Variants in XXYLT1 observed in about 807,000 individuals in gnomAD.
The protein encoded by XXYLT1 is UDP-xylose:alpha-xyloside alpha-1,3-xylosyltransferase.
A neutral mutation model predicts 28.9 loss-of-function variants in XXYLT1; 20 were observed. The observed-to-expected ratio is 0.69, with a 90% CI of 0.49 to 1.00. The LOEUF (loss-of-function observed/expected upper bound fraction) is 1.00. Among genes scored for constraint, XXYLT1 ranks in the 50% least tolerant of loss-of-function variants. The pLI, the probability that XXYLT1 is intolerant of heterozygous loss-of-function variation, is 0.00. For synonymous variants in XXYLT1, 257 were observed against 253.8 expected (o/e 1.01, Z -0.12); for missense variants, 542 against 560.1 (o/e 0.97, Z 0.33).
At chr3:195,205,571 T>A (rs1417135838) in intron 2 of XXYLT1, among the ~76,000 whole-genome samples, 2 of 152,052 alleles carry the variant, frequency 1.3e-5, no homozygotes, top group Non-Finnish European at 2.9e-5. Flanking sequence ...GGTATCAAAG[T>A]CACTATCCTG....
chr3:195,169,634 A>G (rs773683734), intron 2 of XXYLT1, among the ~76,000 whole-genome samples: 1 of 152,012 alleles, frequency 6.6e-6, no homozygotes, highest in Non-Finnish European at 1.5e-5. Context: ...TATTTACGAT[A>G]GGTTTATTGG....
chr3:195,220,043 T>G (rs563477031), intron 2 of XXYLT1, among the ~76,000 whole-genome samples: 1 of 152,202 alleles, frequency 6.6e-6, no homozygotes, highest in East Asian at 1.9e-4. Context: ...AATAATCACA[T>G]GCTAAATGTT....
chr3:195,197,017 A>G (rs1232168319), intron 2 of XXYLT1, among the ~76,000 whole-genome samples: 1 of 152,196 alleles, frequency 6.6e-6, no homozygotes, highest in African/African-American at 2.4e-5. Context: ...AAAAATCAAT[A>G]TGCACCGAGG....
chr3:195,222,284 G>A lies in XXYLT1; in HGVS notation c.652+4425C>T, dbSNP rs545316663. Among the ~76,000 whole-genome samples the A allele has an allele frequency of 2.6e-5, 4 of 152,186 alleles. No individual in the cohort carries two copies. In the South Asian group the frequency reaches 6.2e-4, roughly 24 times the overall value. ...AGATCGCTGGAGAACTCGGAGAAGC[G>A]GCCTAACCTCTCAGCTCCTCCCTTT... On this transcript the variant is annotated intron_variant, in intron 2 of 3. Transcript: ENST00000310380.
chr3:195,245,482 C>A lies in XXYLT1; in HGVS notation c.505-18626G>T, dbSNP rs116230308. Reference sequence around the variant, plus strand: ...CAATTCATCTTCTTCCAGTGTGGCCCAGGGAAGCCAAAAGACTGGACACAC... The same window carrying A: ...CAATTCATCTTCTTCCAGTGTGGCCAAGGGAAGCCAAAAGACTGGACACAC... On this transcript the variant is annotated intron_variant, in intron 1 of 3. Transcript: ENST00000310380. Among the ~76,000 whole-genome samples the A allele has an allele frequency of 6.9e-3, 1,054 of 152,166 alleles. 13 individuals are homozygous for A. Among genetic ancestry groups the A allele is most frequent in the African/African-American group, 0.025 (1,019 of 41,512 alleles).
intron 2 of XXYLT1, among the ~76,000 whole-genome samples, chr3:195,166,869 G>C (rs553991016): frequency 4.9e-4 from 75 of 152,280 alleles, no homozygotes; most frequent in Non-Finnish European, 5.9e-4. Flanking sequence ...AGTAGAGATA[G>C]GGTTTCACCA....
At chr3:195,088,177 CCCA>C in intron 3 of XXYLT1, among the ~76,000 whole-genome samples, 1 of 151,612 alleles carries the variant, frequency 6.6e-6, no homozygotes, top group African/African-American at 2.4e-5. Context: ...CTGGGTGGAG[CCCA>C]CCACAGCTCA....
At position 195,176,499 on chromosome 3, in the gene XXYLT1, G is replaced by A. The variant is rs562548256; in HGVS notation, c.653-19918C>T. Among the ~76,000 whole-genome samples, 1 of 152,180 alleles carries A rather than the reference G, an allele frequency of 6.6e-6. No individual in the cohort carries two copies. The highest frequency in any genetic ancestry group is 1.5e-5 in the Non-Finnish European group (1 of 68,034). ...GCAGATCTTGAATATTCTGTCTTCG[G>A]TTTCAAACACAACAATCTTGCTTGT... On this transcript the variant is annotated intron_variant, in intron 2 of 3. Transcript: ENST00000310380. The surrounding 1 kb of genome is among the most constrained non-coding windows in gnomAD (Gnocchi z 4.9).
At chr3:195,204,476 A>ACTCTCTCTCTCTCTCTCTCTCTCTCT (rs61196221) in intron 2 of XXYLT1, among the ~76,000 whole-genome samples, 19 of 125,952 alleles carry the variant, frequency 1.5e-4, no homozygotes, top group African/African-American at 4.7e-4. Flanking sequence ...TCACTCTCTC[A>ACTCTCTCTCTCTCTCTCTCTCTCTCT]CTCTCTCTCT....
rs537360644 is a variant in XXYLT1 at position 195,078,949 on chromosome 3, C to T, written c.786-8838G>A. Among the ~76,000 whole-genome samples, 4 of 152,174 alleles carry T rather than the reference C, an allele frequency of 2.6e-5. No homozygotes were observed. Among genetic ancestry groups the T allele is most frequent in the Non-Finnish European group, 4.4e-5 (3 of 68,028 alleles). ...CCCACTCGGCTCTCCATGAACTTTG[C>T]GACCAGACGCACTCTGCTCCAGTGA... On this transcript the variant is annotated intron_variant, in intron 3 of 3. Coordinates refer to ENST00000310380, the MANE Select transcript of XXYLT1 (RefSeq NM_152531.5). This position sits in a 1 kb window ranked among gnomAD's most constrained non-coding sequence, Gnocchi z 5.0.
chr3:195,131,404 G>C (rs1236773166), intron 3 of XXYLT1, among the ~76,000 whole-genome samples: 3 of 152,264 alleles, frequency 2.0e-5, no homozygotes, highest in Admixed American at 2.0e-4. Context: ...GCAGCTAGCT[G>C]TTATAGAGCA....
intron 3 of XXYLT1, chr3:195,147,089 C>T (rs990469158): frequency 6.5e-6 from 1 of 153,732 alleles, no homozygotes; most frequent in Non-Finnish European, 1.5e-5. Flanking sequence ...GTATCTTGTC[C>T]ATGGGATATC....
intron 3 of XXYLT1, among the ~76,000 whole-genome samples, chr3:195,110,586 ATG>A (rs140022177): frequency 0.34 from 6,621 of 19,432 alleles, 1,743 homozygotes; most frequent in Middle Eastern, 0.6. Context: ...TGTGTGGTGT[ATG>A]TGTGTGTGTG....
intron 3 of XXYLT1, chr3:195,095,332 C>T (rs544108561): frequency 6.5e-6 from 1 of 153,908 alleles, no homozygotes; most frequent in African/African-American, 2.4e-5. Context: ...AAGACTCTGC[C>T]AGGGCATTAA....
intron 3 of XXYLT1, among the ~76,000 whole-genome samples, chr3:195,118,155 A>C (rs932170727): frequency 5.3e-5 from 8 of 152,124 alleles, no homozygotes; most frequent in African/African-American, 1.9e-4. Context: ...GGTGCTGAGC[A>C]CTCATCTAAG....
rs9879612 is a variant in XXYLT1 at position 195,180,081 on chromosome 3, C to T, written c.653-23500G>A. 0.028 allele frequency among the ~76,000 whole-genome samples: 4,282 copies of T among 152,244 alleles called. 190 individuals are homozygous for T. The highest frequency in any genetic ancestry group is 0.098 in the African/African-American group (4,088 of 41,532). On this transcript the variant is annotated intron_variant, in intron 2 of 3. Coordinates refer to ENST00000310380, the MANE Select transcript of XXYLT1 (RefSeq NM_152531.5). The surrounding 1 kb of genome is among the most constrained non-coding windows in gnomAD (Gnocchi z 5.8). ...GGTGAGGGACAGAAGAATCTCTGAG[C>T]GGCCCCAAGCAGTGGGGTTCTGGCA...
At chr3:195,270,527 C>G (rs1198423429) in intron 1 of XXYLT1, 28 bp downstream of exon 1, 1 of 1,364,156 alleles carries the variant, frequency 7.3e-7, no homozygotes, top group Non-Finnish European at 9.4e-7. Context: ...GGCCACCCAC[C>G]GGGAGCCCCC....
chr3:195,258,312 T>C (rs1725554987), intron 1 of XXYLT1, among the ~76,000 whole-genome samples: 1 of 152,082 alleles, frequency 6.6e-6, no homozygotes, highest in Non-Finnish European at 1.5e-5. Flanking sequence ...TCCATGAGCG[T>C]CTCCCCAGAG....
At chr3:195,086,243 A>G (rs1715721385) in intron 3 of XXYLT1, among the ~76,000 whole-genome samples, 1 of 152,124 alleles carries the variant, frequency 6.6e-6, no homozygotes, top group Admixed American at 6.5e-5. Context: ...TCCACAAAAC[A>G]ATCTGTCCTT....
Sources: gnomAD v4.1 joint callset for allele counts (sites outside exome capture counted in the v4.1 genomes callset) on GRCh38, gnomAD v4.1.1 for gene constraint, Gnocchi (gnomAD v3.1) non-coding constraint, MANE v1.5 for transcripts, NCBI Gene and HGNC (gene_info 2026-07-23, HGNC 2026-07-21) for gene names.